The following MAPKAPK3 variants were observed in gnomAD, a reference collection of about 807,000 sequenced individuals.
MAPKAPK3 encodes MAP kinase-activated protein kinase 3.
A neutral mutation model predicts 49.2 loss-of-function variants in MAPKAPK3; 35 were observed. The observed-to-expected ratio is 0.71, with a 90% CI of 0.54 to 0.94. The LOEUF (loss-of-function observed/expected upper bound fraction) is 0.94. Among genes scored for constraint, MAPKAPK3 ranks in the 40% least tolerant of loss-of-function variants. The pLI is 0.00. For synonymous variants in MAPKAPK3, 178 were observed against 188.7 expected (o/e 0.94, Z 0.46); for missense variants, 398 against 493.1 (o/e 0.81, Z 1.83).
chr3:50,617,542 G>T lies in MAPKAPK3; in HGVS notation c.-24G>T, dbSNP rs200053491. The T allele has an allele frequency of 1.6e-4, 195 of 1,237,722 alleles. No homozygotes were observed. In the East Asian group the frequency reaches 3.3e-3, roughly 21 times the overall value. 76.7% of individuals were successfully genotyped at this position (1,237,722 alleles called of 1,614,324 possible). Reference sequence around the variant, plus strand: ...CCACTAGAAGCGCCAGGCTGGGGCCGCCTCTGAGCGCCCCGCGGGGGCCAT... The same window carrying T: ...CCACTAGAAGCGCCAGGCTGGGGCCTCCTCTGAGCGCCCCGCGGGGGCCAT... On this transcript the variant is annotated 5_prime_UTR_variant, in exon 2 of 11. Transcript: ENST00000621469.
intron 2 of MAPKAPK3, among the ~76,000 whole-genome samples, chr3:50,639,688 G>A (rs548807589): frequency 6.6e-6 from 1 of 152,250 alleles, no homozygotes; most frequent in South Asian, 2.1e-4. Context: ...GAGATAGATT[G>A]ACAGACACAG....
chr3:50,644,462 C>A lies in MAPKAPK3; in HGVS notation c.558C>A (p.Thr186=). 1 of 1,614,152 alleles carries A rather than the reference C, an allele frequency of 6.2e-7. No individual in the cohort carries two copies. Among genetic ancestry groups the A allele is most frequent in the African/African-American group, 1.3e-5 (1 of 75,056 alleles). Residue 186 remains threonine (T), a synonymous_variant, in exon 6 of 11, where the codon ACC becomes ACA. Coordinates refer to ENST00000621469, the MANE Select transcript of MAPKAPK3 (RefSeq NM_001243925.2). The part of the protein sequence containing the change: ...SKEKDAVLKL[T]DFGFAKETTQ... ...AGAAAGACGCAGTGCTTAAGCTCACCGATTTTGGCTTTGCTAAGGAGACCA... is the reference window on the plus strand; with the variant it reads ...AGAAAGACGCAGTGCTTAAGCTCACAGATTTTGGCTTTGCTAAGGAGACCA...
chr3:50,636,744 G>A (rs2033049364), intron 2 of MAPKAPK3, among the ~76,000 whole-genome samples: 1 of 152,174 alleles, frequency 6.6e-6, no homozygotes, highest in Non-Finnish European at 1.5e-5. Context: ...TGGAGGAGAA[G>A]GCTCTGGCTA....
upstream of MAPKAPK3, among the ~76,000 whole-genome samples, chr3:50,614,613 G>A (rs1192125120): frequency 1.3e-5 from 2 of 151,808 alleles, no homozygotes; most frequent in Non-Finnish European, 2.9e-5. Context: ...TACATGAAGG[G>A]CTGTGTGGCA....
chr3:50,642,408 G>A (rs2033197649), intron 5 of MAPKAPK3, 76 bp downstream of exon 5: 7 of 1,075,644 alleles, frequency 6.5e-6, no homozygotes, highest in Admixed American at 1.7e-5. Context: ...ATGGCATCCA[G>A]GACCCACTGG....
rs1559481860 is a variant in MAPKAPK3 at position 50,617,591 on chromosome 3, AG to A, written c.32del (p.Gly11AlafsTer29). On this transcript the variant is annotated frameshift_variant, in exon 2 of 11. Transcript: ENST00000621469. LOFTEE classifies it high-confidence loss of function. MDGETAEEQGGPVPPPVAP... is the reference protein window; with the variant it reads MDGETAEEXGGPVPPPVAP... Reference sequence around the variant, plus strand: ...ATGGATGGTGAAACAGCAGAGGAGCAGGGGGGCCCTGTGCCCCCGCCAGTTG... The same window carrying A: ...ATGGATGGTGAAACAGCAGAGGAGCAGGGGGCCCTGTGCCCCCGCCAGTTG... The A allele has an allele frequency of 4.4e-6, 7 of 1,585,258 alleles. No individual in the cohort carries two copies. Among genetic ancestry groups the A allele is most frequent in the Non-Finnish European group, 6.1e-6 (7 of 1,156,994 alleles).
intron 2 of MAPKAPK3, 66 bp from the exon 3 acceptor site, chr3:50,640,300 T>G: frequency 6.5e-7 from 1 of 1,543,454 alleles, no homozygotes; most frequent in South Asian, 1.2e-5. Context: ...AGCTTATATG[T>G]TTTTGTCTGC....
intron 2 of MAPKAPK3, among the ~76,000 whole-genome samples, chr3:50,637,161 C>G (rs2033061057): frequency 6.6e-6 from 1 of 152,152 alleles, no homozygotes; most frequent in Admixed American, 6.5e-5. Context: ...CCATCTACCG[C>G]CCTCCTTCTT....
At chr3:50,633,383 A>T (rs1016707134) in intron 2 of MAPKAPK3, among the ~76,000 whole-genome samples, 2 of 150,632 alleles carry the variant, frequency 1.3e-5, no homozygotes, top group Non-Finnish European at 3.0e-5. Flanking sequence ...CCATGCACAC[A>T]CCCCTACACA....
chr3:50,611,778 A>G, upstream of MAPKAPK3: 1 of 1,288,102 alleles, frequency 7.8e-7, no homozygotes, highest in Non-Finnish European at 1.0e-6. Context: ...AGGGACTGAG[A>G]GGCAGTGGCG....
At chr3:50,611,595 G>C (rs532551963), upstream of MAPKAPK3, 18 of 1,522,914 alleles carry the variant, frequency 1.2e-5, no homozygotes, top group South Asian at 1.2e-4. Flanking sequence ...TGCGCCCCTC[G>C]TGGTGGCCGG....
At chr3:50,628,243 A>T (rs994523208) in intron 2 of MAPKAPK3, among the ~76,000 whole-genome samples, 14 of 151,932 alleles carry the variant, frequency 9.2e-5, no homozygotes, top group Non-Finnish European at 1.8e-4. Context: ...CCTAGGCGTG[A>T]CCTCACTTGC....
chr3:50,647,296 G>A (rs1443474652), intron 10 of MAPKAPK3, 93 bp downstream of exon 10: 1 of 1,029,594 alleles, frequency 9.7e-7, no homozygotes, highest in Non-Finnish European at 1.5e-6. Flanking sequence ...GGGGTCTTTG[G>A]CCCCTTTCTA....
At chr3:50,639,062 G>A (rs1357017982) in intron 2 of MAPKAPK3, among the ~76,000 whole-genome samples, 1 of 152,182 alleles carries the variant, frequency 6.6e-6, no homozygotes, top group Non-Finnish European at 1.5e-5. Context: ...CCACTGTGAG[G>A]CCTTGTTCAT....
chr3:50,647,192 G>A lies in MAPKAPK3; in HGVS notation c.985G>A (p.Asp329Asn). 1.3e-6 allele frequency: 2 copies of A among 1,591,458 alleles called. No individual in the cohort carries two copies. Among genetic ancestry groups the A allele is most frequent in the Non-Finnish European group, 1.7e-6 (2 of 1,168,776 alleles). ...RVLQEDKDHW[D>N]EVKEEMTSAL... ...GCTGCAGGAGGACAAAGACCACTGG[G>A]ACGAAGTCAAGGTGGGTGGGCTCTG... The change falls in exon 10 of 11, where the codon GAC becomes AAC. Residue 329 changes from aspartate to asparagine, a missense_variant. Asp to Asn is a conservative substitution (Grantham distance 23). Transcript: ENST00000621469.
At chr3:50,611,553 C>T, upstream of MAPKAPK3, 1 of 1,522,764 alleles carries the variant, frequency 6.6e-7, no homozygotes, top group East Asian at 2.7e-5. Context: ...CTCCCAATGC[C>T]CGGCAGCTAG....
intron 2 of MAPKAPK3, among the ~76,000 whole-genome samples, chr3:50,619,562 T>G (rs1261363224): frequency 6.6e-6 from 1 of 152,130 alleles, no homozygotes. Flanking sequence ...TGGGCACTAT[T>G]TAACCTTCCA....
chr3:50,644,618 AG>A (rs1389775356), intron 6 of MAPKAPK3, 86 bp downstream of exon 6: 4 of 1,442,784 alleles, frequency 2.8e-6, no homozygotes, highest in Non-Finnish European at 3.8e-6. Flanking sequence ...CAGAAACCAA[AG>A]GGTTAAAGCC....
chr3:50,643,191 A>G (rs181985835), intron 5 of MAPKAPK3, among the ~76,000 whole-genome samples: 1 of 152,294 alleles, frequency 6.6e-6, no homozygotes, highest in Non-Finnish European at 1.5e-5. Flanking sequence ...TAGCTTTGAC[A>G]GATCAGGCCC....
Sources: gnomAD v4.1 joint callset for allele counts (sites outside exome capture counted in the v4.1 genomes callset) on GRCh38, gnomAD v4.1.1 for gene constraint, MANE v1.5 for transcripts, NCBI Gene and HGNC (gene_info 2026-07-23, HGNC 2026-07-21) for gene names.